The following AFF3 variants were observed in gnomAD, a reference collection of about 807,000 sequenced individuals.
AFF3 encodes AF4/FMR2 family member 3.
AFF3 carries 32 observed loss-of-function variants against 129.7 expected under a neutral mutation model. That is an observed-to-expected ratio of 0.25 (90% confidence interval 0.19 to 0.33). The LOEUF is 0.33. AFF3 is among the 10% of genes least tolerant of loss of function. The probability of loss-of-function intolerance (pLI) is 1.00; values close to 1 mark genes in which losing one functional copy is unlikely to be tolerated. For missense variants in AFF3, 1,373 were observed against 1,592.0 expected, an observed-to-expected ratio of 0.86 and a Z score of 2.34; for synonymous variants, 644 against 635.4, an observed-to-expected ratio of 1.01 and a Z score of -0.20.
chr2:99,952,200 G>A (rs1356830247), intron 7 of AFF3, among the ~76,000 whole-genome samples: 2 of 152,168 alleles, frequency 1.3e-5, no homozygotes, highest in African/African-American at 4.8e-5. Flanking sequence ...TCTTGTGACA[G>A]TGAGTGGGTT....
intron 1 of AFF3, among the ~76,000 whole-genome samples, chr2:100,134,090 C>G (rs984378887): frequency 1.3e-5 from 2 of 152,170 alleles, no homozygotes; most frequent in Non-Finnish European, 2.9e-5. Context: ...GGAAATGTAG[C>G]TTGTTTCCTC....
intron 7 of AFF3, among the ~76,000 whole-genome samples, chr2:99,981,723 G>C (rs1679423843): frequency 6.6e-6 from 1 of 152,090 alleles, no homozygotes. Flanking sequence ...TGATATATAA[G>C]AGTACTTCAT....
chr2:99,909,688 A>G (rs1330503298), intron 7 of AFF3, among the ~76,000 whole-genome samples: 1 of 152,124 alleles, frequency 6.6e-6, no homozygotes, highest in Non-Finnish European at 1.5e-5. Flanking sequence ...GGTATAGGCC[A>G]TGTCAGCTGC....
chr2:99,912,724 A>C (rs1007729028), intron 7 of AFF3, among the ~76,000 whole-genome samples: 1 of 152,182 alleles, frequency 6.6e-6, no homozygotes, highest in Non-Finnish European at 1.5e-5. Flanking sequence ...TAGGGAAACA[A>C]ATTCTTAGCT....
chr2:99,981,270 A>C (rs947473909), intron 7 of AFF3, among the ~76,000 whole-genome samples: 2 of 152,130 alleles, frequency 1.3e-5, no homozygotes, highest in Non-Finnish European at 2.9e-5. Context: ...CGCCCACCTC[A>C]GCCTCCCAAA....
intron 7 of AFF3, among the ~76,000 whole-genome samples, chr2:99,894,492 G>A (rs1265334224): frequency 3.3e-5 from 5 of 149,944 alleles, no homozygotes; most frequent in East Asian, 2.0e-4. Context: ...TTTTTGAGAC[G>A]GAGTCTCGCT....
intron 4 of AFF3, among the ~76,000 whole-genome samples, chr2:100,039,559 A>T (rs1395915279): frequency 6.6e-6 from 1 of 151,818 alleles, no homozygotes; most frequent in Non-Finnish European, 1.5e-5. Context: ...CTCCTCTCTA[A>T]AAAAAAACAA....
chr2:99,902,367 G>A (rs2106150481), intron 7 of AFF3, among the ~76,000 whole-genome samples: 1 of 152,148 alleles, frequency 6.6e-6, no homozygotes, highest in African/African-American at 2.4e-5. Flanking sequence ...CTGATTTCCA[G>A]TGTGCGGCTC....
chr2:99,966,677 G>C (rs1416842872), intron 7 of AFF3, among the ~76,000 whole-genome samples: 2 of 94,452 alleles, frequency 2.1e-5, no homozygotes, highest in Non-Finnish European at 3.8e-5. Context: ...GCGACAGAGC[G>C]AGACTCCGTC....
intron 4 of AFF3, among the ~76,000 whole-genome samples, chr2:100,087,778 A>G (rs2105391394): frequency 6.6e-6 from 1 of 152,206 alleles, no homozygotes; most frequent in Non-Finnish European, 1.5e-5. Flanking sequence ...TAAAAGGATT[A>G]CATACCATAA....
At chr2:99,775,034 C>T (rs150963307) in intron 8 of AFF3, among the ~76,000 whole-genome samples, 2 of 152,258 alleles carry the variant, frequency 1.3e-5, no homozygotes, top group African/African-American at 4.8e-5. Context: ...ATCAAAACCA[C>T]AATGAGATAT....
chr2:99,760,481 A>G (rs1682481599), intron 8 of AFF3, among the ~76,000 whole-genome samples: 1 of 152,220 alleles, frequency 6.6e-6, no homozygotes, highest in South Asian at 2.1e-4. Context: ...TTAAAATATA[A>G]GCAAAGGTAA....
intron 7 of AFF3, among the ~76,000 whole-genome samples, chr2:99,896,415 G>A (rs1420412833): frequency 6.6e-6 from 1 of 151,898 alleles, no homozygotes; most frequent in Non-Finnish European, 1.5e-5. Context: ...GCAGCCACCT[G>A]TCCATAAGCC....
At chr2:100,007,741 G>A (rs758600570) in intron 5 of AFF3, 16 of 427,650 alleles carry the variant, frequency 3.7e-5, no homozygotes, top group East Asian at 3.3e-4. Flanking sequence ...TTGGGAGGCC[G>A]AGGTGGGCGG....
chr2:99,607,250 A>C (rs915271295), intron 13 of AFF3, among the ~76,000 whole-genome samples: 6 of 152,086 alleles, frequency 3.9e-5, no homozygotes, highest in Admixed American at 2.6e-4. Context: ...AAAGATCTGG[A>C]GGCTGGGTGC....
intron 8 of AFF3, among the ~76,000 whole-genome samples, chr2:99,753,091 C>T (rs556279632): frequency 6.6e-6 from 1 of 151,804 alleles, no homozygotes; most frequent in Admixed American, 6.6e-5. Context: ...AGATGTGAAC[C>T]CTATTATTAT....
In AFF3 at chr2:99,546,095, G is replaced by A. The variant is rs1674065976; in HGVS notation, c.*5379C>T. On this transcript the variant is annotated 3_prime_UTR_variant, in exon 25 of 25. Transcript: ENST00000672756. ...GTTGGAAGTGCAGTTTATGTGGTCA[G>A]GTTGTTTTTCCCCTTTCATTAAAAA... 4.4e-6 allele frequency: 1 copy of A among 227,810 alleles called. No homozygotes were observed. The highest frequency in any genetic ancestry group is 2.2e-5 in the African/African-American group (1 of 45,180). The allele number at this position is 227,810 out of a possible 1,614,324, so 14.1% of individuals were successfully genotyped here.
chr2:99,581,368 G>T (rs1483175168), intron 17 of AFF3, among the ~76,000 whole-genome samples: 1 of 151,962 alleles, frequency 6.6e-6, no homozygotes, highest in Non-Finnish European at 1.5e-5. Context: ...CCCAAGTGAG[G>T]GTGCACAAAA....
At chr2:99,667,825 T>A (rs1255547731) in intron 12 of AFF3, among the ~76,000 whole-genome samples, 2 of 152,192 alleles carry the variant, frequency 1.3e-5, no homozygotes, top group African/African-American at 2.4e-5. Flanking sequence ...AATAGCCCTA[T>A]GACTATTAGA....
Sources: allele counts gnomAD v4.1 joint callset (sites outside exome capture counted in the v4.1 genomes callset), GRCh38; gene constraint gnomAD v4.1.1; transcripts MANE v1.5; gene names NCBI Gene and HGNC (gene_info 2026-07-23, HGNC 2026-07-21).